The following RALGPS1 variants were observed in gnomAD, a reference collection of about 807,000 sequenced individuals.
RALGPS1 encodes ras-specific guanine nucleotide-releasing factor RalGPS1.
RALGPS1 carries 19 observed loss-of-function variants against 78.8 expected under a neutral mutation model. That is an observed-to-expected ratio of 0.24 (90% CI 0.17 to 0.35). RALGPS1 has a LOEUF of 0.35. Ranked by LOEUF, RALGPS1 falls within the 10% of genes least tolerant of loss-of-function variation. RALGPS1 has a pLI of 1.00. For missense variants in RALGPS1, 454 were observed against 688.3 expected, an observed-to-expected ratio of 0.66 and a Z score of 3.81; for synonymous variants, 228 against 256.3, an observed-to-expected ratio of 0.89 and a Z score of 1.06.
At chr9:127,115,310 C>T (rs1589567069) in intron 8 of RALGPS1, among the ~76,000 whole-genome samples, 1 of 152,150 alleles carries the variant, frequency 6.6e-6, no homozygotes, top group East Asian at 1.9e-4. Flanking sequence ...CTGCCTCAAC[C>T]TCCTGAGCAG....
intron 9 of RALGPS1, 128 bp from the exon 10 acceptor site, chr9:127,168,551 C>A: frequency 1.4e-6 from 1 of 708,414 alleles, no homozygotes; most frequent in Non-Finnish European, 2.5e-6. Context: ...AGAGCATCAG[C>A]AACTGCTGGA....
intron 1 of RALGPS1, among the ~76,000 whole-genome samples, chr9:126,949,501 C>T (rs970268444): frequency 6.2e-4 from 94 of 152,258 alleles, no homozygotes; most frequent in Non-Finnish European, 1.2e-3. Context: ...TAATGATTGC[C>T]ATTCTAACTG....
intron 4 of RALGPS1, among the ~76,000 whole-genome samples, chr9:126,994,673 C>A (rs2042575865): frequency 6.6e-6 from 1 of 152,152 alleles, no homozygotes; most frequent in Non-Finnish European, 1.5e-5. Flanking sequence ...TCAGGAAATA[C>A]AGAGAATGCC....
chr9:127,052,502 A>G (rs1464492766), intron 6 of RALGPS1, among the ~76,000 whole-genome samples: 3 of 152,200 alleles, frequency 2.0e-5, no homozygotes, highest in Non-Finnish European at 4.4e-5. Context: ...TAGAAGACCC[A>G]CATTGATGCT....
chr9:127,177,192 G>T (rs773158399), intron 11 of RALGPS1, among the ~76,000 whole-genome samples: 6 of 151,962 alleles, frequency 3.9e-5, no homozygotes, highest in Non-Finnish European at 8.8e-5. Context: ...GGGTGAGTGG[G>T]TGGGTGGGTG....
At position 127,091,613 on chromosome 9, in the gene RALGPS1, GCTCT is replaced by G; in HGVS notation, c.610+22258_610+22261del. On this transcript the variant is annotated intron_variant, in intron 8 of 18. Transcript: ENST00000259351. This position sits in a 1 kb window ranked among gnomAD's most constrained non-coding sequence, Gnocchi z 4.3. Reference sequence around the variant, plus strand: ...CCAAGCCCTGGAGTCAGGGGCTCTGGCTCTGGTTGACCTCTTTTCCCTACCCTGC... The same window carrying G: ...CCAAGCCCTGGAGTCAGGGGCTCTGGGGTTGACCTCTTTTCCCTACCCTGC... 4 of 1,573,474 alleles carry G rather than the reference GCTCT, an allele frequency of 2.5e-6. No homozygotes were observed. The highest frequency in any genetic ancestry group is 2.6e-6 in the Non-Finnish European group (3 of 1,158,692).
intron 8 of RALGPS1, among the ~76,000 whole-genome samples, chr9:127,128,478 T>A (rs1299331868): frequency 6.6e-6 from 1 of 152,240 alleles, no homozygotes; most frequent in African/African-American, 2.4e-5. Context: ...GTGGCAGTTT[T>A]AGTCATCAAG....
chr9:126,964,301 G>A (rs1347419600), intron 2 of RALGPS1, among the ~76,000 whole-genome samples: 4 of 151,224 alleles, frequency 2.6e-5, no homozygotes, highest in Non-Finnish European at 5.9e-5. Context: ...CCCAGCATGT[G>A]GAGGTTGCAG....
intron 8 of RALGPS1, among the ~76,000 whole-genome samples, chr9:127,121,514 C>T (rs2056082626): frequency 6.6e-6 from 1 of 152,246 alleles, no homozygotes; most frequent in African/African-American, 2.4e-5. Context: ...ACAGCAGAGG[C>T]AAGAGCTGAC....
intron 8 of RALGPS1, among the ~76,000 whole-genome samples, chr9:127,138,928 T>G (rs2057584515): frequency 6.6e-6 from 1 of 152,224 alleles, no homozygotes; most frequent in Admixed American, 6.5e-5. Context: ...TAATTTTTAG[T>G]TCACACTGAA....
intron 18 of RALGPS1, chr9:127,217,871 C>G (rs1401270545): frequency 6.6e-6 from 1 of 152,242 alleles, no homozygotes; most frequent in Non-Finnish European, 1.5e-5. Flanking sequence ...TGTGTTACCA[C>G]ATGTAGCAGT....
chr9:127,140,273 C>T (rs1304621004), intron 8 of RALGPS1, among the ~76,000 whole-genome samples: 3 of 152,176 alleles, frequency 2.0e-5, no homozygotes, highest in Admixed American at 1.3e-4. Context: ...CTCTGGCTGA[C>T]GGATCAGATG....
rs531930448 is a variant in RALGPS1 at position 126,984,865 on chromosome 9, C to T, written c.216+7120C>T. On this transcript the variant is annotated intron_variant, in intron 4 of 18. Transcript: ENST00000259351. ...TTTAGTGGGGAATAATATTTAGAAA[C>T]CATAATCTGGGTGAAGACTGCTTAG... Among the ~76,000 whole-genome samples the T allele has an allele frequency of 1.5e-3, 229 of 152,316 alleles. 3 individuals are homozygous for T. The highest frequency in any genetic ancestry group is 2.5e-3 in the East Asian group (13 of 5,190).
intron 11 of RALGPS1, among the ~76,000 whole-genome samples, chr9:127,187,502 GCA>G (rs2060728014): frequency 1.3e-5 from 2 of 152,240 alleles, no homozygotes; most frequent in Admixed American, 6.5e-5. Flanking sequence ...AAGTCTTGTG[GCA>G]CAGGTACAGA....
chr9:127,057,819 G>A (rs2048869846), intron 7 of RALGPS1, among the ~76,000 whole-genome samples: 1 of 152,212 alleles, frequency 6.6e-6, no homozygotes, highest in African/African-American at 2.4e-5. Flanking sequence ...ATGTTGGGGA[G>A]AATAAACATG....
chr9:127,208,362 C>T (rs1419728261), intron 14 of RALGPS1, among the ~76,000 whole-genome samples: 1 of 152,188 alleles, frequency 6.6e-6, no homozygotes, highest in Non-Finnish European at 1.5e-5. Context: ...GGGTCCAGTC[C>T]CAATGACAGA....
chr9:127,137,343 G>A (rs1486999526), intron 8 of RALGPS1, among the ~76,000 whole-genome samples: 3 of 152,238 alleles, frequency 2.0e-5, no homozygotes, highest in African/African-American at 7.2e-5. Flanking sequence ...CCAGGGGAGA[G>A]AGAATCTCCT....
intron 4 of RALGPS1, among the ~76,000 whole-genome samples, chr9:127,031,494 G>A (rs2046428053): frequency 6.6e-6 from 1 of 152,240 alleles, no homozygotes; most frequent in African/African-American, 2.4e-5. Flanking sequence ...GGCTGCTTGA[G>A]CATCTACTGC....
chr9:126,990,217 C>G, intron 4 of RALGPS1: 1 of 568,542 alleles, frequency 1.8e-6, no homozygotes, highest in Non-Finnish European at 3.1e-6. Context: ...ACCCCTCTCT[C>G]AGGTCACATG....
Sources: gnomAD v4.1 joint callset for allele counts (sites outside exome capture counted in the v4.1 genomes callset) on GRCh38, gnomAD v4.1.1 for gene constraint, Gnocchi (gnomAD v3.1) non-coding constraint, MANE v1.5 for transcripts, NCBI Gene and HGNC (gene_info 2026-07-23, HGNC 2026-07-21) for gene names.